Variants in TAFA4 observed in about 807,000 individuals in gnomAD.
TAFA4 encodes the protein TAFA chemokine like family member 4, also known as chemokine-like protein TAFA-4.
In TAFA4, 20 loss-of-function variants were observed where a neutral mutation model predicts 21.1. That is an observed-to-expected ratio of 0.95 (90% CI 0.67 to 1.38). The LOEUF is 1.38. Among genes scored for constraint, TAFA4 ranks in the 40% most tolerant of loss-of-function variants. The probability of loss-of-function intolerance (pLI) is 0.00; values close to 1 mark genes in which losing one functional copy is unlikely to be tolerated. For synonymous variants in TAFA4, 71 were observed against 67.4 expected, an observed-to-expected ratio of 1.05 and a Z score of -0.26; for missense variants, 211 against 180.9, an observed-to-expected ratio of 1.17 and a Z score of -0.95.
intron 3 of TAFA4, among the ~76,000 whole-genome samples, chr3:68,860,496 C>G (rs1245753355): frequency 6.6e-6 from 1 of 152,120 alleles, no homozygotes; most frequent in Non-Finnish European, 1.5e-5. Context: ...TTTCCTCTCT[C>G]TCTCTGTTGA....
At chr3:68,823,486 A>T (rs1037448946) in intron 3 of TAFA4, among the ~76,000 whole-genome samples, 2 of 152,114 alleles carry the variant, frequency 1.3e-5, no homozygotes, top group Non-Finnish European at 2.9e-5. Context: ...TGCAGGACAT[A>T]CAGGTTTGTT....
intron 4 of TAFA4, among the ~76,000 whole-genome samples, chr3:68,740,281 A>G (rs992275467): frequency 2.0e-5 from 3 of 152,224 alleles, no homozygotes; most frequent in Non-Finnish European, 2.9e-5. Context: ...GCAGGTTACA[A>G]TGGTATTGCA....
At chr3:68,780,056 T>C (rs1049461809) in intron 3 of TAFA4, among the ~76,000 whole-genome samples, 2 of 152,180 alleles carry the variant, frequency 1.3e-5, no homozygotes, top group South Asian at 2.1e-4. Flanking sequence ...AAGGATATCA[T>C]TTTGGAGCTT....
intron 4 of TAFA4, among the ~76,000 whole-genome samples, chr3:68,751,920 A>T (rs1702561982): frequency 6.6e-6 from 1 of 152,162 alleles, no homozygotes; most frequent in African/African-American, 2.4e-5. Flanking sequence ...TAGGTGGAAA[A>T]TTTCCACTTT....
intron 3 of TAFA4, among the ~76,000 whole-genome samples, chr3:68,789,188 G>A (rs1021606273): frequency 2.0e-5 from 3 of 149,868 alleles, no homozygotes; most frequent in Non-Finnish European, 4.4e-5. Flanking sequence ...CTGGGATCGC[G>A]CCACTGCACT....
chr3:68,753,662 G>A (rs973670811), intron 3 of TAFA4, among the ~76,000 whole-genome samples: 17 of 152,234 alleles, frequency 1.1e-4, no homozygotes, highest in Non-Finnish European at 1.6e-4. Flanking sequence ...GAGAGGCAGT[G>A]TAGCCTGGAT....
At chr3:68,920,158 A>G (rs924686051) in intron 1 of TAFA4, among the ~76,000 whole-genome samples, 3 of 152,254 alleles carry the variant, frequency 2.0e-5, no homozygotes, top group African/African-American at 4.8e-5. Flanking sequence ...GTGGAACACT[A>G]TATGGTAGTT....
chr3:68,895,807 A>G (rs1249054721), intron 1 of TAFA4, among the ~76,000 whole-genome samples: 5 of 152,216 alleles, frequency 3.3e-5, no homozygotes, highest in African/African-American at 1.2e-4. Context: ...ATGTGGAGAC[A>G]AACAGGTAAA....
chr3:68,893,540 T>G (rs1448406045), intron 1 of TAFA4, among the ~76,000 whole-genome samples: 1 of 152,246 alleles, frequency 6.6e-6, no homozygotes, highest in Non-Finnish European at 1.5e-5. Flanking sequence ...ATTCCTCATC[T>G]GTAAACAAAT....
chr3:68,895,490 G>T (rs1053504933), intron 1 of TAFA4, among the ~76,000 whole-genome samples: 1 of 152,158 alleles, frequency 6.6e-6, no homozygotes, highest in Non-Finnish European at 1.5e-5. Flanking sequence ...TATGTGCATG[G>T]GTTTGTTTTG....
chr3:68,735,234 C>T (rs938577020), intron 5 of TAFA4, among the ~76,000 whole-genome samples: 84 of 152,104 alleles, frequency 5.5e-4, no homozygotes, highest in Middle Eastern at 3.4e-3. Flanking sequence ...TGGGGAAATA[C>T]ATGGCCTGTA....
chr3:68,839,104 A>G (rs1704593946), intron 3 of TAFA4, among the ~76,000 whole-genome samples: 1 of 152,194 alleles, frequency 6.6e-6, no homozygotes, highest in African/African-American at 2.4e-5. Context: ...TCTCAAAGAA[A>G]AACAACAACA....
chr3:68,809,740 G>A (rs1279849969), intron 3 of TAFA4, among the ~76,000 whole-genome samples: 4 of 152,216 alleles, frequency 2.6e-5, no homozygotes, highest in Non-Finnish European at 4.4e-5. Context: ...TACATGGTGT[G>A]AGACGAGAAT....
intron 3 of TAFA4, among the ~76,000 whole-genome samples, chr3:68,780,692 G>T (rs781240495): frequency 6.6e-6 from 1 of 152,052 alleles, no homozygotes; most frequent in Non-Finnish European, 1.5e-5. Flanking sequence ...TTTGTAAATT[G>T]CCCATTCTCA....
chr3:68,867,032 A>G (rs897095272), intron 3 of TAFA4, among the ~76,000 whole-genome samples: 2 of 152,056 alleles, frequency 1.3e-5, no homozygotes, highest in African/African-American at 2.4e-5. Flanking sequence ...AATAACAGAA[A>G]AATTTCCAAA....
rs558964269 is a variant in TAFA4, at chr3:68,820,695, A to T, written c.130+60035T>A. ...AAGAAAAAGAAAATTGCTAAGAGAA[A>T]TGATGTTAAGTGTTCTCATCACAAA... On this transcript the variant is annotated intron_variant, in intron 3 of 5. Coordinates refer to ENST00000295569, the MANE Select transcript of TAFA4 (RefSeq NM_182522.5). Among the ~76,000 whole-genome samples, 7 of 152,272 alleles carry T rather than the reference A, an allele frequency of 4.6e-5. No individual in the cohort carries two copies. In the South Asian group the frequency reaches 1.2e-3, roughly 27 times the overall value.
chr3:68,816,046 T>C (rs930968109), intron 3 of TAFA4, among the ~76,000 whole-genome samples: 5 of 152,046 alleles, frequency 3.3e-5, no homozygotes, highest in African/African-American at 4.8e-5. Flanking sequence ...ACCATCATTC[T>C]CAGCAAACTA....
intron 3 of TAFA4, among the ~76,000 whole-genome samples, chr3:68,859,493 T>G (rs1038400087): frequency 1.3e-5 from 2 of 152,100 alleles, no homozygotes; most frequent in African/African-American, 4.8e-5. Context: ...TAATCCATAA[T>G]AAAATAGAGA....
At chr3:68,848,801 C>T (rs1704872665) in intron 3 of TAFA4, among the ~76,000 whole-genome samples, 1 of 152,114 alleles carries the variant, frequency 6.6e-6, no homozygotes, top group African/African-American at 2.4e-5. Flanking sequence ...TCCAGCATGA[C>T]CATCTTGGAG....
Sources: allele counts gnomAD v4.1 joint callset (sites outside exome capture counted in the v4.1 genomes callset), GRCh38; gene constraint gnomAD v4.1.1; transcripts MANE v1.5; gene names NCBI Gene and HGNC (gene_info 2026-07-23, HGNC 2026-07-21).